Variants in MOB4 observed in about 807,000 individuals in gnomAD.
MOB4 encodes MOB family member 4, phocein.
A neutral mutation model predicts 32.2 loss-of-function variants in MOB4; 4 were observed. The observed-to-expected ratio is 0.12, with a 90% confidence interval of 0.06 to 0.28. The LOEUF is 0.28. Among genes scored for constraint, MOB4 ranks in the 10% least tolerant of loss-of-function variants. The probability of loss-of-function intolerance (pLI) is 1.00; values close to 1 mark genes in which losing one functional copy is unlikely to be tolerated. For synonymous variants in MOB4, 88 were observed against 88.1 expected (o/e 1.00, Z 0.01); for missense variants, 158 against 271.2 (o/e 0.58, Z 2.93).
chr2:197,534,009 AAG>A (rs1244460224), intron 2 of MOB4: 37 of 492,722 alleles, frequency 7.5e-5, no homozygotes, highest in Admixed American at 2.5e-4. Context: ...ATATTGCATC[AAG>A]GTCACTATCA....
chr2:197,535,190 T>C (rs1389631848), intron 2 of MOB4, among the ~76,000 whole-genome samples: 1 of 145,958 alleles, frequency 6.9e-6, no homozygotes, highest in East Asian at 2.0e-4. Flanking sequence ...GCCACTGTAC[T>C]CCAGCCTGGG....
chr2:197,527,901 G>A (rs187795119), intron 2 of MOB4, among the ~76,000 whole-genome samples: 3 of 152,076 alleles, frequency 2.0e-5, no homozygotes, highest in Admixed American at 6.5e-5. Flanking sequence ...GCTTTTTTCC[G>A]TTTGTATATT....
At chr2:197,534,747 A>G (rs529862502) in intron 2 of MOB4, among the ~76,000 whole-genome samples, 2 of 152,114 alleles carry the variant, frequency 1.3e-5, no homozygotes, top group African/African-American at 4.8e-5. Flanking sequence ...GTTTCACTAT[A>G]TTAGCCAGGA....
In MOB4 at chr2:197,535,640, T is replaced by G. The variant is rs2086784509; in HGVS notation, c.224+10T>G. 2.5e-6 allele frequency: 4 copies of G among 1,597,178 alleles called. No homozygotes were observed. Among genetic ancestry groups the G allele is most frequent in the Non-Finnish European group, 3.4e-6 (4 of 1,175,058 alleles). ...AGTATGAACATTTAAGGTAGGACCT[T>G]ACATCAAAATACTAATAGTACCTCT... On this transcript the variant is annotated intron_variant, in intron 3 of 7. Coordinates refer to ENST00000323303, the MANE Select transcript of MOB4 (RefSeq NM_015387.5).
rs141516114 is a variant in MOB4 at position 197,549,208 on chromosome 2, A to G, written c.434+793A>G. ...GCGCCATTGCACTCCGGCCTGGGCA[A>G]CAAGAGCGAAACTGTCTCAAAAAAA... On this transcript the variant is annotated intron_variant, in intron 6 of 7. Coordinates refer to ENST00000323303, the MANE Select transcript of MOB4 (RefSeq NM_015387.5). Among the ~76,000 whole-genome samples the G allele has an allele frequency of 6.8e-4, 103 of 152,190 alleles. 1 individual carries two copies. The East Asian group carries it at 0.018, about 27-fold the overall frequency.
intron 2 of MOB4, among the ~76,000 whole-genome samples, chr2:197,528,993 G>T (rs1038967209): frequency 6.8e-6 from 1 of 147,102 alleles, no homozygotes; most frequent in Non-Finnish European, 1.5e-5. Flanking sequence ...ACAGAGTCTC[G>T]CTCTGTCACT....
chr2:197,541,965 A>G (rs906090950), intron 5 of MOB4, among the ~76,000 whole-genome samples: 1 of 152,240 alleles, frequency 6.6e-6, no homozygotes, highest in Non-Finnish European at 1.5e-5. Context: ...ATCTGTCTAC[A>G]TCTGGGAAAA....
intron 2 of MOB4, chr2:197,534,031 A>G (rs2086754991): frequency 2.0e-5 from 9 of 453,058 alleles, no homozygotes; most frequent in East Asian, 5.1e-5. Context: ...ATGTCACCAT[A>G]TCAAGCTGAA....
chr2:197,529,603 C>T (rs1164225014), intron 2 of MOB4, among the ~76,000 whole-genome samples: 1 of 152,098 alleles, frequency 6.6e-6, no homozygotes, highest in Non-Finnish European at 1.5e-5. Context: ...CCATCCACCT[C>T]AGCCTCCCAA....
chr2:197,538,006 C>G (rs2086832172), intron 3 of MOB4, among the ~76,000 whole-genome samples: 1 of 152,126 alleles, frequency 6.6e-6, no homozygotes, highest in South Asian at 2.1e-4. Flanking sequence ...TCTTGATCTC[C>G]TGACCTCACG....
intron 5 of MOB4, 144 bp downstream of exon 5, chr2:197,540,581 T>G (rs2086879669): frequency 1.3e-6 from 1 of 788,498 alleles, no homozygotes; most frequent in Non-Finnish European, 1.9e-6. Flanking sequence ...AAGTTGTTAC[T>G]GCAGTGCTAT....
At chr2:197,541,984 G>A (rs955648359) in intron 5 of MOB4, among the ~76,000 whole-genome samples, 1 of 152,194 alleles carries the variant, frequency 6.6e-6, no homozygotes, top group Non-Finnish European at 1.5e-5. Flanking sequence ...AATCCACATA[G>A]TGGTTTCATT....
intron 1 of MOB4, chr2:197,516,372 G>T: frequency 7.1e-7 from 1 of 1,416,014 alleles, no homozygotes; most frequent in African/African-American, 1.5e-5. Flanking sequence ...GTGAGGGGCG[G>T]GTGGGGTCTG....
At chr2:197,530,232 T>C (rs2086676860) in intron 2 of MOB4, among the ~76,000 whole-genome samples, 1 of 151,932 alleles carries the variant, frequency 6.6e-6, no homozygotes, top group African/African-American at 2.4e-5. Context: ...CCTCCCAAAG[T>C]GCTAGGATTA....
Position 197,552,374 on chromosome 2 carries a change from A to G in MOB4, c.*1728A>G, listed in dbSNP as rs2087112882. ...ACTAAGTTAATAAATTATATATAGCAGTGTAGCTGTTCTCTCTAGATGGTG... is the reference window on the plus strand; with the variant it reads ...ACTAAGTTAATAAATTATATATAGCGGTGTAGCTGTTCTCTCTAGATGGTG... On this transcript the variant is annotated 3_prime_UTR_variant, in exon 8 of 8. Transcript: ENST00000323303. The G allele has an allele frequency of 6.6e-6, 1 of 152,336 alleles. No homozygotes were observed. The highest frequency in any genetic ancestry group is 1.5e-5 in the Non-Finnish European group (1 of 68,026). The allele number at this position is 152,336 out of a possible 1,614,324, so 9.4% of individuals were successfully genotyped here.
chr2:197,538,507 A>G (rs1306938192), intron 3 of MOB4, among the ~76,000 whole-genome samples: 2 of 151,852 alleles, frequency 1.3e-5, no homozygotes, highest in East Asian at 1.9e-4. Context: ...GACTTCAGTC[A>G]TATCTCCCAC....
At chr2:197,543,995 C>T (rs1055678360) in intron 5 of MOB4, among the ~76,000 whole-genome samples, 9 of 151,932 alleles carry the variant, frequency 5.9e-5, no homozygotes, top group Non-Finnish European at 7.4e-5. Context: ...CCACCTCAGC[C>T]TCCTAAAGTG....
rs563251315 is a variant in MOB4 at position 197,520,018 on chromosome 2, A to AG, written c.61-3606_61-3605insG. On this transcript the variant is annotated intron_variant, in intron 1 of 7. Coordinates refer to ENST00000323303, the MANE Select transcript of MOB4 (RefSeq NM_015387.5). ...TTTCAAAAAAGATGAAATGTTTAAG[A>AG]CACTTAAAAAGGTGTACTCATTACC... Among the ~76,000 whole-genome samples, 9 of 152,276 alleles carry AG rather than the reference A, an allele frequency of 5.9e-5. No homozygotes were observed. In the East Asian group the frequency reaches 1.7e-3, roughly 29 times the overall value.
In MOB4 at chr2:197,526,441, T is replaced by A. The variant is rs146314070; in HGVS notation, c.123+2755T>A. Among the ~76,000 whole-genome samples, 279 of 152,256 alleles carry A rather than the reference T, an allele frequency of 1.8e-3. 1 individual carries two copies. Among genetic ancestry groups the A allele is most frequent in the African/African-American group, 6.1e-3 (252 of 41,550 alleles). On this transcript the variant is annotated intron_variant, in intron 2 of 7. Coordinates refer to ENST00000323303, the MANE Select transcript of MOB4 (RefSeq NM_015387.5). Reference sequence around the variant, plus strand: ...AAGCGATTGTCCTGCCTCAGCCTCCTGAATAGCTGGGATTACAGGCGCCCG... The same window carrying A: ...AAGCGATTGTCCTGCCTCAGCCTCCAGAATAGCTGGGATTACAGGCGCCCG...
Sources: allele counts gnomAD v4.1 joint callset (sites outside exome capture counted in the v4.1 genomes callset), GRCh38; gene constraint gnomAD v4.1.1; transcripts MANE v1.5; gene names NCBI Gene and HGNC (gene_info 2026-07-23, HGNC 2026-07-21).